PLA2R1: variants seen among roughly 807,000 people sequenced by gnomAD.
The protein encoded by PLA2R1 is phospholipase A2 receptor 1.
A neutral mutation model predicts 195.9 loss-of-function variants in PLA2R1; 158 were observed. The ratio of observed to expected loss-of-function variants is 0.81; its 90% CI spans 0.71 to 0.92. PLA2R1 has a LOEUF of 0.92. PLA2R1 is among the 40% of genes least tolerant of loss of function. The pLI is 0.00. For missense variants in PLA2R1, 1,626 were observed against 1,764.6 expected (o/e 0.92, Z 1.41); for synonymous variants, 586 against 598.2 (o/e 0.98, Z 0.30).
rs368140009 is a variant in PLA2R1 at position 159,947,072 on chromosome 2, A to AT, written c.3851-156dup. Reference sequence around the variant, plus strand: ...CTTTAAATTAAAAAAGTAAAACCACATTTTTTAAAAGATACAAGCTTGCAC... The same window carrying AT: ...CTTTAAATTAAAAAAGTAAAACCACATTTTTTTAAAAGATACAAGCTTGCAC... On this transcript the variant is annotated intron_variant, in intron 26 of 29. Transcript: ENST00000283243. 4.5e-3 allele frequency among the ~76,000 whole-genome samples: 684 copies of AT among 152,340 alleles called. 6 individuals carry two copies. The highest frequency in any genetic ancestry group is 0.016 in the African/African-American group (657 of 41,584).
chr2:159,926,732 A>G, the PLA2R1 span, among the ~76,000 whole-genome samples: 7 of 152,148 alleles, frequency 4.6e-5, no homozygotes, highest in Non-Finnish European at 1.0e-4. Context: ...AAGGTGTGAG[A>G]AGGTTAAGGG....
intron 11 of PLA2R1, among the ~76,000 whole-genome samples, chr2:159,994,205 C>G (rs1606117): frequency 6.6e-6 from 1 of 151,620 alleles, no homozygotes; most frequent in South Asian, 2.1e-4. Context: ...AATAAAAATG[C>G]GTATTTTATG....
chr2:159,924,210 A>C, the PLA2R1 span, among the ~76,000 whole-genome samples: 6 of 152,088 alleles, frequency 3.9e-5, no homozygotes, highest in Non-Finnish European at 7.4e-5. Flanking sequence ...TCTCCCTCTG[A>C]CTGCCTCTTT....
chr2:159,949,733 AAAG>A lies in PLA2R1; in HGVS notation c.3581_3583del (p.Ser1194del), dbSNP rs761127486. On this transcript the variant is annotated inframe_deletion, in exon 25 of 30. Coordinates refer to ENST00000283243, the MANE Select transcript of PLA2R1 (RefSeq NM_007366.5). ...GGACTCCTCATCTTTCCAAAAAGTG[AAAG>A]AAGATTTGGTGCCATCAGACCAGTC... 2 of 1,613,976 alleles carry A rather than the reference AAAG, an allele frequency of 1.2e-6. No individual in the cohort carries two copies. Among genetic ancestry groups the A allele is most frequent in the South Asian group, 1.1e-5 (1 of 91,084 alleles).
chr2:159,952,996 G>A (rs1687849527), intron 23 of PLA2R1, among the ~76,000 whole-genome samples: 1 of 152,140 alleles, frequency 6.6e-6, no homozygotes, highest in South Asian at 2.1e-4. Flanking sequence ...CGTGCCCAGT[G>A]TAATGGTTAT....
Position 159,976,674 on chromosome 2 carries a change from G to T in PLA2R1, c.2437+11C>A. The T allele has an allele frequency of 6.4e-7, 1 of 1,568,582 alleles. No individual in the cohort carries two copies. The highest frequency in any genetic ancestry group is 8.8e-7 in the Non-Finnish European group (1 of 1,138,552). ...AATTAGAAATTCAAGAGCTGCCAGA[G>T]TCATTCTTACCGTACTGGTACCAGA... On this transcript the variant is annotated intron_variant, in intron 16 of 29. Coordinates refer to ENST00000283243, the MANE Select transcript of PLA2R1 (RefSeq NM_007366.5).
intron 15 of PLA2R1, 74 bp downstream of exon 15, chr2:159,977,210 G>T (rs1689622881): frequency 9.3e-7 from 1 of 1,070,896 alleles, no homozygotes; most frequent in Non-Finnish European, 1.4e-6. Flanking sequence ...TGTGGTTTGG[G>T]GTGTTTAAAT....
At chr2:160,021,112 G>A (rs1387040503) in intron 7 of PLA2R1, among the ~76,000 whole-genome samples, 3 of 151,622 alleles carry the variant, frequency 2.0e-5, no homozygotes, top group Non-Finnish European at 4.4e-5. Context: ...AAAGATAGGA[G>A]TTTTTTTTTC....
chr2:159,942,397 T>C (rs953666191), intron 28 of PLA2R1, among the ~76,000 whole-genome samples: 1 of 152,176 alleles, frequency 6.6e-6, no homozygotes, highest in African/African-American at 2.4e-5. Flanking sequence ...AGCTGGCCCT[T>C]TACAGAAAAA....
At chr2:160,048,124 T>C (rs1043321870) in intron 1 of PLA2R1, among the ~76,000 whole-genome samples, 14 of 152,154 alleles carry the variant, frequency 9.2e-5, no homozygotes, top group African/African-American at 3.4e-4. Flanking sequence ...TGAGCCACCA[T>C]GCCTGGCCAA....
rs141335958 is a variant in PLA2R1 at position 159,975,337 on chromosome 2, T to C, written c.2595+731A>G. ...TGCCTGGCACATACTTGATAATGAA[T>C]GCTTATTGAAGGAACACACTGAAAA... On this transcript the variant is annotated intron_variant, in intron 17 of 29. Transcript: ENST00000283243. 7.2e-5 allele frequency among the ~76,000 whole-genome samples: 11 copies of C among 152,326 alleles called. No individual in the cohort carries two copies. The East Asian group carries it at 1.9e-3, about 27-fold the overall frequency.
rs1694544346 is a variant in PLA2R1 at position 160,041,925 on chromosome 2, T to C, written c.667+100A>G. 1.9e-5 allele frequency: 18 copies of C among 957,232 alleles called. 2 individuals are homozygous for C. The South Asian group carries it at 2.9e-4, about 16-fold the overall frequency. 59.3% of individuals were successfully genotyped at this position (957,232 alleles called of 1,614,324 possible). On this transcript the variant is annotated intron_variant, in intron 3 of 29. Coordinates refer to ENST00000283243, the MANE Select transcript of PLA2R1 (RefSeq NM_007366.5). ...ATAGCATCAGGGTTCTTATTCAGACTTCAATATATCAATCCCAGTGCTTTT... is the reference window on the plus strand; with the variant it reads ...ATAGCATCAGGGTTCTTATTCAGACCTCAATATATCAATCCCAGTGCTTTT...
intron 12 of PLA2R1, among the ~76,000 whole-genome samples, chr2:159,986,159 C>T (rs906721935): frequency 1.1e-4 from 17 of 151,980 alleles, no homozygotes; most frequent in African/African-American, 4.1e-4. Context: ...TTGAGCATCC[C>T]AAATCCAAAA....
chr2:159,955,427 T>G, intron 22 of PLA2R1, 81 bp from the exon 23 acceptor site: 1 of 903,808 alleles, frequency 1.1e-6, no homozygotes, highest in Middle Eastern at 3.4e-4. Flanking sequence ...AGACATTATT[T>G]TTAAAATTAA....
chr2:160,005,519 T>C, intron 11 of PLA2R1, 133 bp downstream of exon 11: 1 of 622,000 alleles, frequency 1.6e-6, no homozygotes, highest in Non-Finnish European at 2.8e-6. Context: ...CCTGTTAACC[T>C]GTGTTGATCC....
At position 160,016,852 on chromosome 2, in the gene PLA2R1, G is replaced by A. The variant is rs111587059; in HGVS notation, c.1453-140C>T. ...TTCAGGCGGCACTCTGCTTTGTCAC[G>A]GAAAGGGTTGACACTTTGTCTAGGG... On this transcript the variant is annotated intron_variant, in intron 8 of 29. Coordinates refer to ENST00000283243, the MANE Select transcript of PLA2R1 (RefSeq NM_007366.5). 2.3e-4 allele frequency: 137 copies of A among 604,860 alleles called. 2 individuals are homozygous for A. Among genetic ancestry groups the A allele is most frequent in the African/African-American group, 1.4e-3 (76 of 53,552 alleles). 37.5% of individuals were successfully genotyped at this position (604,860 alleles called of 1,614,324 possible).
chr2:159,948,642 CAAAAAAAAAA>C (rs56329076), intron 25 of PLA2R1, among the ~76,000 whole-genome samples: 3 of 95,852 alleles, frequency 3.1e-5, no homozygotes, highest in Middle Eastern at 0.011. Flanking sequence ...CAAGTGCTAA[CAAAAAAAAAA>C]AAAAAAAAAA....
Position 159,984,082 on chromosome 2 carries a change from T to A in PLA2R1, c.2038-9A>T, listed in dbSNP as rs753845657. The A allele has an allele frequency of 7.6e-7, 1 of 1,309,868 alleles. No homozygotes were observed. 81.1% of individuals were successfully genotyped at this position (1,309,868 alleles called of 1,614,324 possible). ...TTTTCACTATGAAATACCTGTATAG[T>A]AAAAGAAAATAAATTAACATTGTTA... On this transcript the variant is annotated splice_polypyrimidine_tract_variant and intron_variant, in intron 12 of 29. Transcript: ENST00000283243.
At chr2:159,951,728 A>C in intron 23 of PLA2R1, 150 bp from the exon 24 acceptor site, 1 of 614,182 alleles carries the variant, frequency 1.6e-6, no homozygotes, top group Non-Finnish European at 2.9e-6. Context: ...ACACTATCTG[A>C]AAGTGTAAGT....
Sources: gnomAD v4.1 joint callset for allele counts (sites outside exome capture counted in the v4.1 genomes callset) on GRCh38, gnomAD v4.1.1 for gene constraint, MANE v1.5 for transcripts, NCBI Gene and HGNC (gene_info 2026-07-23, HGNC 2026-07-21) for gene names.